ABCF1: variants seen among roughly 807,000 people sequenced by gnomAD.
ABCF1 encodes the protein ATP-binding cassette sub-family F member 1.
ABCF1 carries 73 observed loss-of-function variants against 126.3 expected under a neutral mutation model. The observed-to-expected ratio is 0.58, with a 90% confidence interval of 0.48 to 0.70. The LOEUF (loss-of-function observed/expected upper bound fraction) is 0.70, where lower values mean the gene tolerates loss of function less well. Ranked by LOEUF, ABCF1 falls within the 30% of genes least tolerant of loss-of-function variation. The probability of loss-of-function intolerance (pLI) is 0.00; values close to 1 mark genes in which losing one functional copy is unlikely to be tolerated. For missense variants in ABCF1, 786 were observed against 1,057.5 expected, an observed-to-expected ratio of 0.74 and a Z score of 3.56; for synonymous variants, 345 against 396.4, an observed-to-expected ratio of 0.87 and a Z score of 1.54.
chr6:30,590,816 G>A lies in ABCF1; in HGVS notation c.*115G>A. The A allele has an allele frequency of 8.5e-7, 1 of 1,173,278 alleles. No homozygotes were observed. The highest frequency in any genetic ancestry group is 1.5e-5 in the African/African-American group (1 of 64,918). The allele number at this position is 1,173,278 out of a possible 1,614,324, so 72.7% of individuals were successfully genotyped here. A position where few individuals can be genotyped will look rare whatever the true frequency, so the allele number is the denominator to read the frequency against. On this transcript the variant is annotated 3_prime_UTR_variant, in exon 25 of 25. Transcript: ENST00000326195. ...CTGCAGCTGACCTGGCAACCATTCA[G>A]GCACATGAAGGTGGAGTGTGACCTT...
At position 30,590,341 on chromosome 6, in the gene ABCF1, T is replaced by G; in HGVS notation, c.2334T>G (p.Ile778Met). 1 of 1,611,980 alleles carries G rather than the reference T, an allele frequency of 6.2e-7. No homozygotes were observed. Among genetic ancestry groups the G allele is most frequent in the Non-Finnish European group, 8.5e-7 (1 of 1,179,342 alleles). The change falls in exon 24 of 25, where the codon ATT (isoleucine) becomes ATG (methionine). Residue 778 changes from isoleucine (I) to methionine (M), a missense_variant. Ile to Met is a conservative substitution (Grantham distance 10). Around this residue, in one of 4 missense-constraint regions of ABCF1, gnomAD observed 288 missense variants for 423.5 expected, o/e 0.68. Transcript: ENST00000326195. ...EPTNNLDIES[I>M]DALGEAINEY... ...CCAATAACCTGGACATAGAGTCTAT[T>G]GATGCTCTAGGGGAGGCCATCAATG...
At chr6:30,575,556 G>A (rs1291856174) in intron 1 of ABCF1, among the ~76,000 whole-genome samples, 1 of 151,964 alleles carries the variant, frequency 6.6e-6, no homozygotes, top group Non-Finnish European at 1.5e-5. Flanking sequence ...AGGATGGAGA[G>A]GGGGAGAGCT....
At position 30,583,841 on chromosome 6, in the gene ABCF1, C is replaced by G; in HGVS notation, c.1053C>G (p.Asn351Lys). The G allele has an allele frequency of 6.2e-7, 1 of 1,614,158 alleles. No individual in the cohort carries two copies. Among genetic ancestry groups the G allele is most frequent in the Admixed American group, 1.7e-5 (1 of 60,018 alleles). Residue 351 changes from asparagine to lysine, a missense_variant, in exon 12 of 25, where the codon AAC becomes AAG. Coordinates refer to ENST00000326195, the MANE Select transcript of ABCF1 (RefSeq NM_001025091.2). The surrounding 1 kb of genome is among the most constrained non-coding windows in gnomAD (Gnocchi z 4.1). ...GKTTLLKHIA[N>K]RALSIPPNID... ...CCACACTCCTCAAGCACATTGCCAA[C>G]CGAGCCCTGAGCATCCCTCCCAACA... is the stretch of plus-strand genomic sequence containing the variant.
At chr6:30,582,617 A>T in intron 9 of ABCF1, 110 bp downstream of exon 9, 1 of 1,087,036 alleles carries the variant, frequency 9.2e-7, no homozygotes, top group Non-Finnish European at 1.4e-6. Flanking sequence ...TCCAAGTAAA[A>T]CAATCGGAGT....
intron 1 of ABCF1, 48 bp downstream of exon 1, chr6:30,571,608 G>C: frequency 6.4e-7 from 1 of 1,572,964 alleles, no homozygotes; most frequent in Non-Finnish European, 8.6e-7. Context: ...GAAGAGAGAG[G>C]AGACTGCGCG....
At position 30,590,535 on chromosome 6, in the gene ABCF1, C is replaced by G. The variant is rs748026265; in HGVS notation, c.2372C>G (p.Ala791Gly). 3.9e-5 allele frequency: 63 copies of G among 1,608,486 alleles called. No individual in the cohort carries two copies. The highest frequency in any genetic ancestry group is 4.9e-5 in the Non-Finnish European group (58 of 1,178,256). The change falls in exon 25 of 25, where the codon GCT becomes GGT. Residue 791 changes from alanine to glycine, a missense_variant and splice_region_variant. Coordinates refer to ENST00000326195, the MANE Select transcript of ABCF1 (RefSeq NM_001025091.2). ...LGEAINEYKG[A>G]VIVVSHDARL... ...CTGTTGTTGCTATCTTTCTTCAAAG[C>G]TGTGATCGTTGTCAGCCATGATGCC...
rs6927603 is a variant in ABCF1, at chr6:30,573,919, G to T, written c.73+2359G>T. Among the ~76,000 whole-genome samples, 1,426 of 152,262 alleles carry T rather than the reference G, an allele frequency of 9.4e-3. 7 individuals are homozygous for T. Among genetic ancestry groups the T allele is most frequent in the Middle Eastern group, 0.034 (10 of 294 alleles). The stretch of plus-strand genomic sequence containing the variant: ...AGGACAAGAATACGAAACAGTAATG[G>T]GGGAGAGGGGTATAAGGGTAAAGAA... On this transcript the variant is annotated intron_variant, in intron 1 of 24. Transcript: ENST00000326195.
In ABCF1 at chr6:30,582,990, G is replaced by A. The variant is rs182575066; in HGVS notation, c.793-76G>A. ...TTACAGGCGTGAGCCAGCATGCCCA[G>A]CCAGCATGGGCTGTTTCATGGTGAT... is the stretch of plus-strand genomic sequence containing the variant. On this transcript the variant is annotated intron_variant, in intron 9 of 24. Coordinates refer to ENST00000326195, the MANE Select transcript of ABCF1 (RefSeq NM_001025091.2). 8 of 1,545,920 alleles carry A rather than the reference G, an allele frequency of 5.2e-6. No individual in the cohort carries two copies. The African/African-American group carries it at 5.4e-5, about 11-fold the overall frequency.
Position 30,590,997 on chromosome 6 carries a change from A to G in ABCF1, c.*296A>G, listed in dbSNP as rs1239873218. On this transcript the variant is annotated 3_prime_UTR_variant, in exon 25 of 25. Coordinates refer to ENST00000326195, the MANE Select transcript of ABCF1 (RefSeq NM_001025091.2). ...TGTGAGGTTCCATCCAGCCAAGTTT[A>G]TGTGGCCTATTGTCTCAGGACTCTC... The G allele has an allele frequency of 5.4e-6, 2 of 367,856 alleles. No homozygotes were observed. The highest frequency in any genetic ancestry group is 9.7e-6 in the Non-Finnish European group (2 of 206,762). The allele number at this position is 367,856 out of a possible 1,614,324, so 22.8% of individuals were successfully genotyped here.
At chr6:30,588,059 T>C (rs1342493925) in intron 20 of ABCF1, among the ~76,000 whole-genome samples, 2 of 151,826 alleles carry the variant, frequency 1.3e-5, no homozygotes, top group African/African-American at 4.8e-5. Context: ...CGCCCCACCA[T>C]GCCCAGCTAC....
rs1168044798 is a variant in ABCF1 at position 30,574,676 on chromosome 6, A to G, written c.74-2733A>G. On this transcript the variant is annotated intron_variant, in intron 1 of 24. Coordinates refer to ENST00000326195, the MANE Select transcript of ABCF1 (RefSeq NM_001025091.2). This position sits in a 1 kb window ranked among gnomAD's most constrained non-coding sequence, Gnocchi z 4.3. ...TTTCAACTCTCACACTAGTCACCCA[A>G]TACTGGGCTCAGATTTTTTTTCTTT... Among the ~76,000 whole-genome samples the G allele has an allele frequency of 1.3e-5, 2 of 152,120 alleles. No homozygotes were observed. Among genetic ancestry groups the G allele is most frequent in the Non-Finnish European group, 2.9e-5 (2 of 68,018 alleles).
rs1470114440 is a variant in ABCF1, at chr6:30,584,268, G to A, written c.1179G>A (p.Glu393=). 2.5e-6 allele frequency: 4 copies of A among 1,612,994 alleles called. No homozygotes were observed. The highest frequency in any genetic ancestry group is 1.7e-6 in the Non-Finnish European group (2 of 1,180,036). Residue 393 remains glutamate (E), a synonymous_variant, in exon 13 of 25, where the codon GAG becomes GAA. Coordinates refer to ENST00000326195, the MANE Select transcript of ABCF1 (RefSeq NM_001025091.2). The surrounding 1 kb of genome is among the most constrained non-coding windows in gnomAD (Gnocchi z 4.6). Reference sequence around the variant, plus strand: ...CCAAGCGATTGAAGCTGCTGGAAGAGGAGCGGCGGCTTCAGGGACAGCTGG... The same window carrying A: ...CCAAGCGATTGAAGCTGCTGGAAGAAGAGCGGCGGCTTCAGGGACAGCTGG... ...ADTKRLKLLE[E]ERRLQGQLEQ...
chr6:30,571,657 G>A (rs1801249499), intron 1 of ABCF1, 97 bp downstream of exon 1: 3 of 1,374,664 alleles, frequency 2.2e-6, no homozygotes, highest in East Asian at 2.5e-5. Flanking sequence ...GACTGACCGG[G>A]CCCCTGCGGG....
intron 8 of ABCF1, among the ~76,000 whole-genome samples, chr6:30,580,748 A>C (rs532110716): frequency 1.4e-4 from 21 of 152,246 alleles, no homozygotes; most frequent in African/African-American, 5.1e-4. Context: ...AACACGGCTC[A>C]CTGAAGCCTC....
At position 30,586,709 on chromosome 6, in the gene ABCF1, C is replaced by T; in HGVS notation, c.2029C>T (p.Pro677Ser). ...CCTGCTGCTGACTGGCAAGCTGACA[C>T]CGGTGAGTCCTGGAGCCAAGGAGGG... ...LLLLLTGKLT[P>S]THGEMRKNHR... Residue 677 changes from proline to serine, a missense_variant and splice_region_variant, in exon 20 of 25, where the codon CCG (proline) becomes TCG (serine). Pro to Ser is a moderately conservative substitution (Grantham distance 74, BLOSUM62 -1). Around this residue, in one of 4 missense-constraint regions of ABCF1, gnomAD observed 288 missense variants for 423.5 expected, o/e 0.68. Transcript: ENST00000326195. This position sits in a 1 kb window ranked among gnomAD's most constrained non-coding sequence, Gnocchi z 4.9. 2 of 1,613,800 alleles carry T rather than the reference C, an allele frequency of 1.2e-6. No homozygotes were observed. Among genetic ancestry groups the T allele is most frequent in the Non-Finnish European group, 8.5e-7 (1 of 1,180,014 alleles).
chr6:30,583,646 G>A lies in ABCF1; in HGVS notation c.954G>A (p.Leu318=), dbSNP rs764271550. The part of the protein sequence containing the change: ...KFSISAHGKE[L]FVNADLYIVA... ...GCATCTCCGCTCATGGCAAGGAGCT[G>A]TTCGTCAATGCAGACCTGTACATTG... is the stretch of plus-strand genomic sequence containing the variant. Residue 318 remains leucine, a synonymous_variant, in exon 11 of 25, where the codon CTG becomes CTA. Coordinates refer to ENST00000326195, the MANE Select transcript of ABCF1 (RefSeq NM_001025091.2). This position sits in a 1 kb window ranked among gnomAD's most constrained non-coding sequence, Gnocchi z 4.1. The A allele has an allele frequency of 1.9e-6, 3 of 1,614,042 alleles. No homozygotes were observed. Among genetic ancestry groups the A allele is most frequent in the Non-Finnish European group, 1.7e-6 (2 of 1,179,922 alleles).
intron 1 of ABCF1, 121 bp from the exon 2 acceptor site, chr6:30,577,288 A>G: frequency 1.2e-6 from 1 of 840,188 alleles, no homozygotes; most frequent in Non-Finnish European, 1.9e-6. Flanking sequence ...ATATTTAAGG[A>G]GTGATAGTTA....
rs548672673 is a variant in ABCF1 at position 30,582,630 on chromosome 6, G to A, written c.792+123G>A. ...ACTCCAAGTAAAACAATCGGAGTAA[G>A]AAAATAATTGTGTTCTGTGAACCTT... On this transcript the variant is annotated intron_variant, in intron 9 of 24. Transcript: ENST00000326195. 3.1e-4 allele frequency: 305 copies of A among 998,628 alleles called. 2 individuals carry two copies. In the African/African-American group the frequency reaches 4.2e-3, roughly 14 times the overall value. 61.9% of individuals were successfully genotyped at this position (998,628 alleles called of 1,614,324 possible). A position where few individuals can be genotyped will look rare whatever the true frequency, so the allele number is the denominator to read the frequency against.
rs1278204957 is a variant in ABCF1, at chr6:30,589,432, T to C, written c.2032-256T>C. The C allele has an allele frequency of 5.4e-6, 3 of 554,396 alleles. No homozygotes were observed. In the East Asian group the frequency reaches 9.4e-5, roughly 17 times the overall value. The allele number at this position is 554,396 out of a possible 1,614,324, so 34.3% of individuals were successfully genotyped here. On this transcript the variant is annotated intron_variant, in intron 20 of 24. Transcript: ENST00000326195. ...TCCTGGCTAACATGGTGAAATCCCG[T>C]CTCTACTAAAAATACAAAAAATTAG...
Sources: gnomAD v4.1 joint callset for allele counts (sites outside exome capture counted in the v4.1 genomes callset) on GRCh38, gnomAD v4.1.1 for gene constraint, gnomAD v4.1.1 regional missense constraint, Gnocchi (gnomAD v3.1) non-coding constraint, MANE v1.5 for transcripts, NCBI Gene and HGNC (gene_info 2026-07-23, HGNC 2026-07-21) for gene names.